The following XPO4 variants were observed in gnomAD, a reference collection of about 807,000 sequenced individuals.
XPO4 encodes exportin-4.
A neutral mutation model predicts 143.0 loss-of-function variants in XPO4; 39 were observed. The observed-to-expected ratio is 0.27, with a 90% CI of 0.21 to 0.36. XPO4 has a LOEUF of 0.36. Among genes scored for constraint, XPO4 ranks in the 10% least tolerant of loss-of-function variants. The probability of loss-of-function intolerance (pLI) is 1.00; values close to 1 mark genes in which losing one functional copy is unlikely to be tolerated. For missense variants in XPO4, 907 were observed against 1,348.0 expected, an observed-to-expected ratio of 0.67 and a Z score of 5.12; for synonymous variants, 439 against 474.0, an observed-to-expected ratio of 0.93 and a Z score of 0.96.
At chr13:20,890,964 T>G (rs1240593716) in intron 1 of XPO4, among the ~76,000 whole-genome samples, 1 of 150,192 alleles carries the variant, frequency 6.7e-6, no homozygotes, top group Non-Finnish European at 1.5e-5. Context: ...AATACAAAAT[T>G]AGCCAGGCAT....
At chr13:20,832,020 C>A (rs554299246) in intron 6 of XPO4, among the ~76,000 whole-genome samples, 1 of 152,166 alleles carries the variant, frequency 6.6e-6, no homozygotes, top group South Asian at 2.1e-4. Context: ...ATTCCCTGCC[C>A]CCTCTCCCAC....
intron 10 of XPO4, 37 bp downstream of exon 10, chr13:20,809,754 A>G: frequency 6.4e-7 from 1 of 1,564,580 alleles, no homozygotes; most frequent in East Asian, 2.2e-5. Flanking sequence ...GCCTATGATG[A>G]AATAGACTGT....
intron 4 of XPO4, 118 bp from the exon 5 acceptor site, chr13:20,844,004 C>G (rs2060005788): frequency 8.2e-6 from 6 of 728,788 alleles, no homozygotes; most frequent in Admixed American, 6.8e-5. Context: ...TCCACTGTAT[C>G]TTTAGATCTT....
intron 2 of XPO4, chr13:20,865,412 C>T (rs994588442): frequency 4.3e-5 from 42 of 967,522 alleles, no homozygotes; most frequent in Admixed American, 6.2e-5. Flanking sequence ...GCTGGGATTA[C>T]AGGTGTGAGC....
At chr13:20,873,539 T>C (rs2060322233) in intron 1 of XPO4, among the ~76,000 whole-genome samples, 1 of 152,234 alleles carries the variant, frequency 6.6e-6, no homozygotes, top group Non-Finnish European at 1.5e-5. Context: ...AATTTCTGCC[T>C]GCACTGACTC....
chr13:20,836,030 C>A (rs1192236906), intron 6 of XPO4, among the ~76,000 whole-genome samples: 3 of 152,140 alleles, frequency 2.0e-5, no homozygotes, highest in Admixed American at 1.3e-4. Flanking sequence ...AAAATAAGTA[C>A]CAACTGACCG....
intron 1 of XPO4, among the ~76,000 whole-genome samples, chr13:20,893,558 T>TGAAACTCC (rs1444151216): frequency 4.3e-4 from 66 of 151,970 alleles, no homozygotes; most frequent in Admixed American, 3.7e-3. Context: ...GCCAACATGG[T>TGAAACTCC]GAAACTCCCT....
chr13:20,788,056 TG>T (rs1247380763), intron 20 of XPO4, among the ~76,000 whole-genome samples: 25 of 131,516 alleles, frequency 1.9e-4, no homozygotes, highest in African/African-American at 5.7e-4. Context: ...TTTGTTTTTT[TG>T]TTTTTTTTTT....
chr13:20,807,382 G>A, intron 13 of XPO4, 75 bp downstream of exon 13: 2 of 1,432,190 alleles, frequency 1.4e-6, no homozygotes, highest in South Asian at 1.3e-5. Context: ...TATCACTCCA[G>A]TCATCTACCC....
At chr13:20,857,874 T>C in intron 3 of XPO4, 2 of 985,398 alleles carry the variant, frequency 2.0e-6, no homozygotes, top group African/African-American at 3.5e-5. Flanking sequence ...ACATTGTGCA[T>C]TTCACTGTAT....
chr13:20,900,106 G>A (rs954906252), intron 1 of XPO4, among the ~76,000 whole-genome samples: 5 of 152,148 alleles, frequency 3.3e-5, no homozygotes, highest in Admixed American at 6.5e-5. Flanking sequence ...AAAGTAACAC[G>A]CCAGGTGCAG....
intron 5 of XPO4, 72 bp downstream of exon 5, chr13:20,843,698 T>C (rs2060001007): frequency 5.6e-6 from 6 of 1,068,370 alleles, no homozygotes; most frequent in Non-Finnish European, 8.5e-6. Context: ...AATATTCTCA[T>C]GTCATTAGGA....
chr13:20,785,804 G>A (rs1475407263), intron 22 of XPO4, among the ~76,000 whole-genome samples: 1 of 137,454 alleles, frequency 7.3e-6, no homozygotes, highest in Non-Finnish European at 1.6e-5. Flanking sequence ...TAAAGGAAGA[G>A]AAGGAAGGAA....
In XPO4 at chr13:20,780,011, A is replaced by G. The variant is rs1197916941; in HGVS notation, c.*3711T>C. 6.6e-6 allele frequency: 1 copy of G among 152,234 alleles called. No individual in the cohort carries two copies. The highest frequency in any genetic ancestry group is 2.4e-5 in the African/African-American group (1 of 41,448). The allele number at this position is 152,234 out of a possible 1,614,324, so 9.4% of individuals were successfully genotyped here. ...CAGAGAATAACCACTTATATTTTAA[A>G]AAGATTAAAACATTATTATATCCTC... On this transcript the variant is annotated 3_prime_UTR_variant, in exon 23 of 23. Coordinates refer to ENST00000255305, the MANE Select transcript of XPO4 (RefSeq NM_022459.5).
intron 1 of XPO4, among the ~76,000 whole-genome samples, chr13:20,870,089 CA>C (rs59710121): frequency 1.6e-3 from 158 of 98,886 alleles, no homozygotes; most frequent in African/African-American, 3.0e-3. Context: ...GAAGGAGTCT[CA>C]AAAAAAAAAA....
chr13:20,826,306 C>T (rs1323183935), intron 7 of XPO4, among the ~76,000 whole-genome samples: 1 of 152,176 alleles, frequency 6.6e-6, no homozygotes, highest in Non-Finnish European at 1.5e-5. Context: ...TTCCATAATA[C>T]CAACTTAACC....
intron 1 of XPO4, among the ~76,000 whole-genome samples, chr13:20,893,702 T>C (rs981278719): frequency 8.7e-5 from 13 of 149,940 alleles, no homozygotes; most frequent in African/African-American, 3.0e-4. Context: ...GTTGCGGAGG[T>C]TGCAATGAGC....
rs2059457308 is a variant in XPO4 at position 20,803,124 on chromosome 13, AC to A, written c.1818-2135del. Among the ~76,000 whole-genome samples the A allele has an allele frequency of 1.3e-5, 2 of 152,186 alleles. No homozygotes were observed. Among genetic ancestry groups the A allele is most frequent in the South Asian group, 4.1e-4 (2 of 4,832 alleles). ...GAACCTATTTTTAAAATCGCAGAGT[AC>A]CCCAATTATTTGAATTTCTTCCAAG... On this transcript the variant is annotated intron_variant, in intron 13 of 22. Transcript: ENST00000255305. This position sits in a 1 kb window ranked among gnomAD's most constrained non-coding sequence, Gnocchi z 4.1.
chr13:20,888,727 T>C (rs1215107985), intron 1 of XPO4, among the ~76,000 whole-genome samples: 2 of 151,964 alleles, frequency 1.3e-5, no homozygotes, highest in Non-Finnish European at 2.9e-5. Context: ...CCAATCATAA[T>C]GACAAAGAGA....
Sources: allele counts gnomAD v4.1 joint callset (sites outside exome capture counted in the v4.1 genomes callset), GRCh38; gene constraint gnomAD v4.1.1; non-coding constraint Gnocchi (gnomAD v3.1); transcripts MANE v1.5; gene names NCBI Gene and HGNC (gene_info 2026-07-23, HGNC 2026-07-21).